MAVS: variants seen among roughly 807,000 people sequenced by gnomAD.
MAVS encodes the protein mitochondrial antiviral signaling protein.
A neutral mutation model predicts 30.2 loss-of-function variants in MAVS; 20 were observed. The observed-to-expected ratio is 0.66, with a 90% CI of 0.47 to 0.96. The LOEUF (loss-of-function observed/expected upper bound fraction) is 0.96. MAVS is among the 40% of genes least tolerant of loss of function. MAVS has a pLI of 0.00. For synonymous variants in MAVS, 278 were observed against 293.9 expected, an observed-to-expected ratio of 0.95 and a Z score of 0.55; for missense variants, 624 against 701.1, an observed-to-expected ratio of 0.89 and a Z score of 1.24.
Position 3,869,443 on chromosome 20 carries a change from G to C in MAVS, c.*3296G>C, listed in dbSNP as rs1245724548. On this transcript the variant is annotated 3_prime_UTR_variant, in exon 7 of 7. Coordinates refer to ENST00000428216, the MANE Select transcript of MAVS (RefSeq NM_020746.5). ...CCGCCTCGGCCTCCCAAAGTGCTGGGATTACAGGCGTGAGCCACCGCGCCC... is the reference window on the plus strand; with the variant it reads ...CCGCCTCGGCCTCCCAAAGTGCTGGCATTACAGGCGTGAGCCACCGCGCCC... The C allele has an allele frequency of 6.6e-6, 1 of 152,122 alleles. No homozygotes were observed. Among genetic ancestry groups the C allele is most frequent in the African/African-American group, 2.4e-5 (1 of 41,420 alleles). 9.4% of individuals were successfully genotyped at this position (152,122 alleles called of 1,614,324 possible). A position where few individuals can be genotyped will look rare whatever the true frequency, so the allele number is the denominator to read the frequency against.
In MAVS at chr20:3,850,263, C is replaced by T. The variant is rs1285267041; in HGVS notation, c.-68+3360C>T. The stretch of plus-strand genomic sequence containing the variant: ...CTGCACTCCAGCCTGGGTGAAGGAG[C>T]GAGACTGTCTCAAAAAAAAAAAAAA... On this transcript the variant is annotated intron_variant, in intron 1 of 6. Coordinates refer to ENST00000428216, the MANE Select transcript of MAVS (RefSeq NM_020746.5). 7.7e-5 allele frequency among the ~76,000 whole-genome samples: 7 copies of T among 90,698 alleles called. No individual in the cohort carries two copies. The Admixed American group carries it at 9.1e-4, about 12-fold the overall frequency. 59.5% of individuals were successfully genotyped at this position (90,698 alleles called of 152,430 possible).
rs143917056 is a variant in MAVS at position 3,862,324 on chromosome 20, A to C, written c.536A>C (p.Glu179Ala). ...AGGAATCCAGATGGTGGCCCCCTGG[A>C]GTCCTCCTCTGACCTGGCAGCCCTC... ...IPRNPDGGPL[E>A]SSSDLAALSP... The change falls in exon 5 of 7, where the codon GAG becomes GCG. Residue 179 changes from glutamate (E) to alanine (A), a missense_variant. By Grantham distance (107) the Glu-to-Ala change is moderately radical (BLOSUM62 -1). Coordinates refer to ENST00000428216, the MANE Select transcript of MAVS (RefSeq NM_020746.5). 1 of 1,613,970 alleles carries C rather than the reference A, an allele frequency of 6.2e-7. No homozygotes were observed. The highest frequency in any genetic ancestry group is 8.5e-7 in the Non-Finnish European group (1 of 1,180,016).
At position 3,850,289 on chromosome 20, in the gene MAVS, A is replaced by AG. The variant is rs1213799136; in HGVS notation, c.-68+3386_-68+3387insG. Among the ~76,000 whole-genome samples, 4 of 140,986 alleles carry AG rather than the reference A, an allele frequency of 2.8e-5. No individual in the cohort carries two copies. In the East Asian group the frequency reaches 8.8e-4, roughly 31 times the overall value. 92.5% of individuals were successfully genotyped at this position (140,986 alleles called of 152,430 possible). A position where few individuals can be genotyped will look rare whatever the true frequency, so the allele number is the denominator to read the frequency against. The stretch of plus-strand genomic sequence containing the variant: ...GAGACTGTCTCAAAAAAAAAAAAAA[A>AG]AAAAAAAAAAGAAATTTTTTTAAGC... On this transcript the variant is annotated intron_variant, in intron 1 of 6. Coordinates refer to ENST00000428216, the MANE Select transcript of MAVS (RefSeq NM_020746.5).
rs192791430 is a variant in MAVS at position 3,861,567 on chromosome 20, A to T, written c.465+63A>T. On this transcript the variant is annotated intron_variant, in intron 4 of 6. Coordinates refer to ENST00000428216, the MANE Select transcript of MAVS (RefSeq NM_020746.5). ...TGTTCCTATCTGCCCACTTCTGCCC[A>T]TTGAGCCTTCCAGAAACCCTCTCCC... 2.6e-6 allele frequency: 4 copies of T among 1,542,000 alleles called. No individual in the cohort carries two copies. In the Admixed American group the frequency reaches 7.4e-5, roughly 28 times the overall value.
In MAVS at chr20:3,865,789, G is replaced by A; in HGVS notation, c.1265G>A (p.Gly422Asp). 1 of 1,613,820 alleles carries A rather than the reference G, an allele frequency of 6.2e-7. No individual in the cohort carries two copies. The highest frequency in any genetic ancestry group is 8.5e-7 in the Non-Finnish European group (1 of 1,180,018). Residue 422 changes from glycine (G) to aspartate (D), a missense_variant, in exon 7 of 7, where the codon GGC (glycine) becomes GAC (aspartate). Gly to Asp is a moderately conservative substitution (Grantham distance 94). Coordinates refer to ENST00000428216, the MANE Select transcript of MAVS (RefSeq NM_020746.5). The surrounding 1 kb of genome is among the most constrained non-coding windows in gnomAD (Gnocchi z 4.7). ...CTTGGGTCGGAGCTGAGTAAGCCTG[G>A]CGTGCTGGCATCCCAGGTAGACAGC... ...RGLGSELSKPGVLASQVDSPF... is the reference protein window; with the variant it reads ...RGLGSELSKPDVLASQVDSPF...
Position 3,866,623 on chromosome 20 carries a change from G to T in MAVS, c.*476G>T. On this transcript the variant is annotated 3_prime_UTR_variant, in exon 7 of 7. Coordinates refer to ENST00000428216, the MANE Select transcript of MAVS (RefSeq NM_020746.5). ...CTCCCATCCTGGCAGCCCAGCCTGA[G>T]ACCGTTGCATTGAGGCAGGCAGGAG... is the stretch of plus-strand genomic sequence containing the variant. 1 of 354,480 alleles carries T rather than the reference G, an allele frequency of 2.8e-6. No homozygotes were observed. The highest frequency in any genetic ancestry group is 7.4e-5 in the East Asian group (1 of 13,468). 22.0% of individuals were successfully genotyped at this position (354,480 alleles called of 1,614,324 possible). A position where few individuals can be genotyped will look rare whatever the true frequency, so the allele number is the denominator to read the frequency against.
At position 3,870,119 on chromosome 20, in the gene MAVS, C is replaced by A. The variant is rs1258122407; in HGVS notation, c.*3972C>A. On this transcript the variant is annotated 3_prime_UTR_variant, in exon 7 of 7. Coordinates refer to ENST00000428216, the MANE Select transcript of MAVS (RefSeq NM_020746.5). ...TTGGTGGGGAAAGCCAGGCAGGTCA[C>A]CCTCACAGCCAGATAATGTGGAGGT... The A allele has an allele frequency of 6.6e-6, 1 of 152,348 alleles. No individual in the cohort carries two copies. Among genetic ancestry groups the A allele is most frequent in the Non-Finnish European group, 1.5e-5 (1 of 68,076 alleles). The allele number at this position is 152,348 out of a possible 1,614,324, so 9.4% of individuals were successfully genotyped here.
chr20:3,852,281 AC>A (rs772943410), intron 1 of MAVS, among the ~76,000 whole-genome samples: 18 of 151,958 alleles, frequency 1.2e-4, no homozygotes, highest in Non-Finnish European at 2.4e-4. Flanking sequence ...GGCGTGAGCC[AC>A]CGTGCCCGGC....
chr20:3,849,916 A>G (rs966837461), intron 1 of MAVS, among the ~76,000 whole-genome samples: 1 of 152,230 alleles, frequency 6.6e-6, no homozygotes, highest in African/African-American at 2.4e-5. Context: ...AAATACATCT[A>G]TAACTGCAAA....
In MAVS at chr20:3,848,236, C is replaced by T. The variant is rs539789500; in HGVS notation, c.-68+1333C>T. ...GCCTCAGCCTCCTGAGTAGCTGGGACTACAGGTGTGTGCCACCATGCCTGG... is the reference window on the plus strand; with the variant it reads ...GCCTCAGCCTCCTGAGTAGCTGGGATTACAGGTGTGTGCCACCATGCCTGG... On this transcript the variant is annotated intron_variant, in intron 1 of 6. Transcript: ENST00000428216. 6.8e-3 allele frequency among the ~76,000 whole-genome samples: 1,031 copies of T among 152,114 alleles called. 3 individuals are homozygous for T. Among genetic ancestry groups the T allele is most frequent in the Non-Finnish European group, 0.012 (823 of 67,988 alleles).
chr20:3,859,099 G>A (rs1199470519), intron 3 of MAVS, among the ~76,000 whole-genome samples: 1 of 151,820 alleles, frequency 6.6e-6, no homozygotes, highest in Non-Finnish European at 1.5e-5. Flanking sequence ...TCTCATGCTT[G>A]CTTTTCTCTC....
chr20:3,857,700 C>T lies in MAVS; in HGVS notation c.183C>T (p.Thr61=). Reference sequence around the variant, plus strand: ...ACACCCTCTGGCATCTCTTCAATACCCTTCAGCGGCGGCCCGGCTGGGTGG... The same window carrying T: ...ACACCCTCTGGCATCTCTTCAATACTCTTCAGCGGCGGCCCGGCTGGGTGG... ...NRDTLWHLFN[T]LQRRPGWVEY... The change falls in exon 3 of 7, where the codon ACC becomes ACT. Residue 61 remains threonine, a synonymous_variant. Coordinates refer to ENST00000428216, the MANE Select transcript of MAVS (RefSeq NM_020746.5). 1 of 1,614,266 alleles carries T rather than the reference C, an allele frequency of 6.2e-7. No homozygotes were observed. The highest frequency in any genetic ancestry group is 8.5e-7 in the Non-Finnish European group (1 of 1,180,056).
At position 3,875,059 on chromosome 20, in the gene MAVS, T is replaced by C. The variant is rs2089981463; in HGVS notation, c.*8912T>C. 1 of 152,336 alleles carries C rather than the reference T, an allele frequency of 6.6e-6. No individual in the cohort carries two copies. Among genetic ancestry groups the C allele is most frequent in the African/African-American group, 2.4e-5 (1 of 41,448 alleles). The allele number at this position is 152,336 out of a possible 1,614,324, so 9.4% of individuals were successfully genotyped here. A position where few individuals can be genotyped will look rare whatever the true frequency, so the allele number is the denominator to read the frequency against. On this transcript the variant is annotated 3_prime_UTR_variant, in exon 7 of 7. Coordinates refer to ENST00000428216, the MANE Select transcript of MAVS (RefSeq NM_020746.5). ...GAAACCTTGATTAGACCCCTCTCTT[T>C]ATTAAGCTTCCTAAGATCAAACCCT...
chr20:3,857,034 T>C (rs865987232), intron 2 of MAVS, among the ~76,000 whole-genome samples: 1 of 122,708 alleles, frequency 8.1e-6, no homozygotes, highest in Non-Finnish European at 1.6e-5. Context: ...GGACTCCGTC[T>C]GAAAAAAAAA....
At chr20:3,864,814 G>T (rs1324043547) in intron 6 of MAVS, 26 bp downstream of exon 6, 3 of 1,603,940 alleles carry the variant, frequency 1.9e-6, no homozygotes, top group African/African-American at 2.7e-5. Context: ...TCCTGGCAGG[G>T]ATCCTGGCCC....
chr20:3,848,423 T>C (rs913783314), intron 1 of MAVS, among the ~76,000 whole-genome samples: 1 of 152,174 alleles, frequency 6.6e-6, no homozygotes, highest in African/African-American at 2.4e-5. Flanking sequence ...TTAACTCCCA[T>C]AGAGTTGTTC....
In MAVS at chr20:3,857,707, C is replaced by T. The variant is rs1301366144; in HGVS notation, c.190C>T (p.Arg64Trp). The change falls in exon 3 of 7, where the codon CGG (arginine) becomes TGG (tryptophan). Residue 64 changes from arginine to tryptophan, a missense_variant. Transcript: ENST00000428216. Reference protein sequence around the residue: ...TLWHLFNTLQRRPGWVEYFIA... With the variant: ...TLWHLFNTLQWRPGWVEYFIA... ...CTGGCATCTCTTCAATACCCTTCAG[C>T]GGCGGCCCGGCTGGGTGGAGTACTT... 1.2e-5 allele frequency: 19 copies of T among 1,614,136 alleles called. No homozygotes were observed. Among genetic ancestry groups the T allele is most frequent in the Admixed American group, 1.0e-4 (6 of 60,012 alleles).
Position 3,857,700 on chromosome 20 carries a change from C to G in MAVS, c.183C>G (p.Thr61=), listed in dbSNP as rs1381225585. ...NRDTLWHLFN[T]LQRRPGWVEY... ...ACACCCTCTGGCATCTCTTCAATAC[C>G]CTTCAGCGGCGGCCCGGCTGGGTGG... Residue 61 remains threonine, a synonymous_variant, in exon 3 of 7, where the codon ACC becomes ACG. Coordinates refer to ENST00000428216, the MANE Select transcript of MAVS (RefSeq NM_020746.5). 6 of 1,614,266 alleles carry G rather than the reference C, an allele frequency of 3.7e-6. No individual in the cohort carries two copies. Among genetic ancestry groups the G allele is most frequent in the Non-Finnish European group, 5.1e-6 (6 of 1,180,056 alleles).
chr20:3,864,390 T>C lies in MAVS; in HGVS notation c.760T>C (p.Phe254Leu). 1 of 1,614,076 alleles carries C rather than the reference T, an allele frequency of 6.2e-7. No homozygotes were observed. Among genetic ancestry groups the C allele is most frequent in the Non-Finnish European group, 8.5e-7 (1 of 1,180,002 alleles). Residue 254 changes from phenylalanine to leucine, a missense_variant, in exon 6 of 7, where the codon TTC becomes CTC. Physicochemically the swap from Phe to Leu is conservative, Grantham distance 22. Coordinates refer to ENST00000428216, the MANE Select transcript of MAVS (RefSeq NM_020746.5). Reference protein sequence around the residue: ...TGSVVSTGTSFSSSSPGLASA... With the variant: ...TGSVVSTGTSLSSSSPGLASA... ...GTCAGTTGTATCTACTGGCACCTCCTTCTCCTCCTCATCCCCTGGCTTGGC... is the reference window on the plus strand; with the variant it reads ...GTCAGTTGTATCTACTGGCACCTCCCTCTCCTCCTCATCCCCTGGCTTGGC...
Sources: gnomAD v4.1 joint callset for allele counts (sites outside exome capture counted in the v4.1 genomes callset) on GRCh38, gnomAD v4.1.1 for gene constraint, Gnocchi (gnomAD v3.1) non-coding constraint, MANE v1.5 for transcripts, NCBI Gene and HGNC (gene_info 2026-07-23, HGNC 2026-07-21) for gene names.